P2RY11: variants seen among roughly 807,000 people sequenced by gnomAD.
The protein encoded by P2RY11 is P2Y purinoceptor 11.
P2RY11 carries 3 observed loss-of-function variants against 2.4 expected under a neutral mutation model. The observed-to-expected ratio is 1.22, with a 90% confidence interval of 0.56 to 3.17. The LOEUF (loss-of-function observed/expected upper bound fraction) is 3.17. Among genes scored for constraint, P2RY11 ranks in the 30% most tolerant of loss-of-function variants. The pLI, the probability that P2RY11 is intolerant of heterozygous loss-of-function variation, is 0.03. For missense variants in P2RY11, 670 were observed against 528.2 expected, an observed-to-expected ratio of 1.27 and a Z score of -2.63; for synonymous variants, 307 against 237.3, an observed-to-expected ratio of 1.29 and a Z score of -2.70.
At position 10,111,726 on chromosome 19, in the gene P2RY11, C is replaced by T; in HGVS notation, c.5C>T (p.Ala2Val). ...GCTGAGGATCGGCACGGGAGCATGG[C>T]AGCCAACGTCTCGGGTAAGGAGAAG... M[A>V]ANVSGAKSCP... is the part of the protein sequence containing the mutation. Residue 2 changes from alanine (A) to valine (V), a missense_variant, in exon 1 of 2, where the codon GCA (alanine) becomes GTA (valine). Ala to Val is a moderately conservative substitution (Grantham distance 64). Coordinates refer to ENST00000321826, the MANE Select transcript of P2RY11 (RefSeq NM_002566.5). 1.2e-6 allele frequency: 2 copies of T among 1,613,606 alleles called. No homozygotes were observed. The highest frequency in any genetic ancestry group is 1.7e-6 in the Non-Finnish European group (2 of 1,179,830).
chr19:10,112,090 A>G (rs2089103575), intron 1 of P2RY11: 1 of 209,610 alleles, frequency 4.8e-6, no homozygotes, highest in South Asian at 7.0e-5. Context: ...AGCTTGGGCA[A>G]TGAGCGAAAC....
rs779647954 is a variant in P2RY11, at chr19:10,113,829, A to T, written c.216A>T (p.Ala72=). 1.2e-6 allele frequency: 2 copies of T among 1,613,660 alleles called. No individual in the cohort carries two copies. Among genetic ancestry groups the T allele is most frequent in the Non-Finnish European group, 1.7e-6 (2 of 1,179,944 alleles). The change falls in exon 2 of 2, where the codon GCA becomes GCT. Residue 72 remains alanine (A), a synonymous_variant. Coordinates refer to ENST00000321826, the MANE Select transcript of P2RY11 (RefSeq NM_002566.5). ...HPAVVFSVQL[A]VSDLLCALTL... ...CCGTGGTCTTCTCTGTCCAGCTGGC[A>T]GTCAGCGACCTGCTCTGCGCCCTGA...
Position 10,114,734 on chromosome 19 carries a change from A to G in P2RY11, c.1121A>G (p.Gln374Arg), listed in dbSNP as rs1188596667. Residue 374 changes from glutamine to arginine, a missense_variant, in exon 2 of 2, where the codon CAA (glutamine) becomes CGA (arginine). Coordinates refer to ENST00000321826, the MANE Select transcript of P2RY11 (RefSeq NM_002566.5). The stretch of plus-strand genomic sequence containing the variant: ...GAGCCCCAGTCCCGTGAGCTGAGCC[A>G]ATGATGTGGCCTAGCGGAAGCTGCC... ...PSEPQSRELS[Q>R] The G allele has an allele frequency of 5.6e-6, 9 of 1,602,156 alleles. No homozygotes were observed. The South Asian group carries it at 6.7e-5, about 12-fold the overall frequency.
intron 1 of P2RY11, chr19:10,112,095 C>A: frequency 1.1e-5 from 2 of 188,524 alleles, no homozygotes; most frequent in Admixed American, 6.0e-5. Flanking sequence ...GGGCAATGAG[C>A]GAAACTCCAT....
At position 10,113,509 on chromosome 19, in the gene P2RY11, C is replaced by T. The variant is rs985072548; in HGVS notation, c.20-124C>T. On this transcript the variant is annotated intron_variant, in intron 1 of 1. Coordinates refer to ENST00000321826, the MANE Select transcript of P2RY11 (RefSeq NM_002566.5). ...CACATAAAGGAGTGGAGCCCGGTCC[C>T]CCTCCAGGGAGGGGAAAGAACTCGT... 7 of 1,413,058 alleles carry T rather than the reference C, an allele frequency of 5.0e-6. No homozygotes were observed. The African/African-American group carries it at 8.7e-5, about 17-fold the overall frequency. The allele number at this position is 1,413,058 out of a possible 1,614,324, so 87.5% of individuals were successfully genotyped here. A position where few individuals can be genotyped will look rare whatever the true frequency, so the allele number is the denominator to read the frequency against.
rs765924074 is a variant in P2RY11, at chr19:10,114,744, C to T, written c.*6C>T. The T allele has an allele frequency of 9.4e-6, 15 of 1,592,408 alleles. No homozygotes were observed. The Admixed American group carries it at 1.4e-4, about 15-fold the overall frequency. ...CCCGTGAGCTGAGCCAATGATGTGGCCTAGCGGAAGCTGCCTCCTCACCCT... is the reference window on the plus strand; with the variant it reads ...CCCGTGAGCTGAGCCAATGATGTGGTCTAGCGGAAGCTGCCTCCTCACCCT... On this transcript the variant is annotated 3_prime_UTR_variant, in exon 2 of 2. Coordinates refer to ENST00000321826, the MANE Select transcript of P2RY11 (RefSeq NM_002566.5).
Position 10,114,201 on chromosome 19 carries a change from CCA to C in P2RY11, c.590_591del (p.His197ArgfsTer9). ...ACIKCLGTAD[H>X]GLAAYRAYSL... ...GCATCAAGTGTCTGGGGACAGCAGA[CCA>C]CGGGCTGGCGGCCTACAGAGCGTAT... On this transcript the variant is annotated frameshift_variant, in exon 2 of 2. Transcript: ENST00000321826. LOFTEE classifies it low-confidence loss of function (END_TRUNC). 4 of 1,600,492 alleles carry C rather than the reference CCA, an allele frequency of 2.5e-6. No individual in the cohort carries two copies. Among genetic ancestry groups the C allele is most frequent in the Non-Finnish European group, 3.4e-6 (4 of 1,179,504 alleles).
intron 1 of P2RY11, 48 bp from the exon 2 acceptor site, chr19:10,113,585 C>T (rs535979645): frequency 3.7e-5 from 57 of 1,560,714 alleles, no homozygotes; most frequent in East Asian, 2.0e-4. Context: ...TAGCAGGAGC[C>T]GCCTTATGGG....
chr19:10,113,839 C>T lies in P2RY11; in HGVS notation c.226C>T (p.Leu76=). ...CTCTGTCCAGCTGGCAGTCAGCGAC[C>T]TGCTCTGCGCCCTGACGCTGCCCCC... is the stretch of plus-strand genomic sequence containing the variant. ...VFSVQLAVSD[L]LCALTLPPLA... is the part of the protein sequence containing the mutation. Residue 76 remains leucine (L), a synonymous_variant, in exon 2 of 2, where the codon CTG becomes TTG. Transcript: ENST00000321826. The T allele has an allele frequency of 6.2e-7, 1 of 1,613,498 alleles. No homozygotes were observed. Among genetic ancestry groups the T allele is most frequent in the Non-Finnish European group, 8.5e-7 (1 of 1,179,818 alleles).
chr19:10,113,682 CAGTG>C lies in P2RY11; in HGVS notation c.70_73del (p.Ser24GlyfsTer56), dbSNP rs750437200. 18 of 1,600,806 alleles carry C rather than the reference CAGTG, an allele frequency of 1.1e-5. No individual in the cohort carries two copies. Among genetic ancestry groups the C allele is most frequent in the Middle Eastern group, 1.7e-4 (1 of 6,034 alleles). On this transcript the variant is annotated frameshift_variant, in exon 2 of 2. Transcript: ENST00000321826. LOFTEE classifies it low-confidence loss of function (END_TRUNC). ...TCTTGGCAGCTGCCGACGACAAACT[CAGTG>C]GGTTCCAGGGGGACTTCCTGTGGCC...
At position 10,114,568 on chromosome 19, in the gene P2RY11, C is replaced by G. The variant is rs2145222956; in HGVS notation, c.955C>G (p.Leu319Val). ...LMPLAFCVHP[L>V]LYMAAVPSLG... The stretch of plus-strand genomic sequence containing the variant: ...GCCCCTGGCCTTCTGTGTCCACCCT[C>G]TACTCTACATGGCCGCAGTGCCCAG... Residue 319 changes from leucine to valine, a missense_variant, in exon 2 of 2, where the codon CTA becomes GTA. Physicochemically the swap from Leu to Val is conservative, Grantham distance 32 (BLOSUM62 1). Transcript: ENST00000321826. 1 of 1,612,840 alleles carries G rather than the reference C, an allele frequency of 6.2e-7. No homozygotes were observed. The highest frequency in any genetic ancestry group is 2.2e-5 in the East Asian group (1 of 44,856).
chr19:10,115,160 C>T lies in P2RY11; in HGVS notation c.*422C>T, dbSNP rs768064831. On this transcript the variant is annotated 3_prime_UTR_variant, in exon 2 of 2. Transcript: ENST00000321826. ...GTAGGGGAGGGTGGCAGGTATAAGA[C>T]TTCTGGGGGCACCCCAAGACCCCAG... 16 of 1,612,468 alleles carry T rather than the reference C, an allele frequency of 9.9e-6. No homozygotes were observed. Among genetic ancestry groups the T allele is most frequent in the Admixed American group, 8.4e-5 (5 of 59,768 alleles).
In P2RY11 at chr19:10,113,907, G is replaced by A. The variant is rs2089179452; in HGVS notation, c.294G>A (p.Gly98=). ...ATCCCCCCAAGCACTGGCGCTATGGGGAGGCCGCGTGCCGCCTGGAGCGCT... is the reference window on the plus strand; with the variant it reads ...ATCCCCCCAAGCACTGGCGCTATGGAGAGGCCGCGTGCCGCCTGGAGCGCT... ...YLYPPKHWRY[G]EAACRLERFL... is the part of the protein sequence containing the mutation. Residue 98 remains glycine, a synonymous_variant, in exon 2 of 2, where the codon GGG becomes GGA. Transcript: ENST00000321826. The A allele has an allele frequency of 6.2e-7, 1 of 1,606,384 alleles. No individual in the cohort carries two copies. The highest frequency in any genetic ancestry group is 8.5e-7 in the Non-Finnish European group (1 of 1,179,834).
intron 1 of P2RY11, among the ~76,000 whole-genome samples, chr19:10,112,955 C>A (rs1050705199): frequency 1.3e-5 from 2 of 151,690 alleles, no homozygotes; most frequent in Non-Finnish European, 2.9e-5. Flanking sequence ...AAAAAAAAGT[C>A]TGGGTGCGAA....
rs1197046230 is a variant in P2RY11 at position 10,115,262 on chromosome 19, G to C, written c.*524G>C. The C allele has an allele frequency of 1.6e-6, 2 of 1,264,186 alleles. No individual in the cohort carries two copies. Among genetic ancestry groups the C allele is most frequent in the South Asian group, 1.5e-5 (1 of 68,872 alleles). 78.3% of individuals were successfully genotyped at this position (1,264,186 alleles called of 1,614,324 possible). On this transcript the variant is annotated 3_prime_UTR_variant, in exon 2 of 2. Coordinates refer to ENST00000321826, the MANE Select transcript of P2RY11 (RefSeq NM_002566.5). ...GGACGAAGCGGGCACGGAGCCAGAT[G>C]GCCAGTCTCCAGGCCTGGTCCACGG...
intron 1 of P2RY11, among the ~76,000 whole-genome samples, chr19:10,113,250 T>G (rs1255362520): frequency 6.6e-6 from 1 of 150,882 alleles, no homozygotes; most frequent in African/African-American, 2.4e-5. Flanking sequence ...CAGGGCAGAG[T>G]GGGGGCTGGA....
Position 10,115,022 on chromosome 19 carries a change from G to C in P2RY11, c.*284G>C, listed in dbSNP as rs2089213952. The C allele has an allele frequency of 7.6e-6, 12 of 1,571,738 alleles. No individual in the cohort carries two copies. In the East Asian group the frequency reaches 1.4e-4, roughly 18 times the overall value. On this transcript the variant is annotated 3_prime_UTR_variant, in exon 2 of 2. Transcript: ENST00000321826. ...GAACAAAAAGAACCAAGTAGAGAGA[G>C]TGGAGCTGCTTTATTGCCCTTGGAG...
Position 10,115,098 on chromosome 19 carries a change from C to T in P2RY11, c.*360C>T. On this transcript the variant is annotated 3_prime_UTR_variant, in exon 2 of 2. Transcript: ENST00000321826. Reference sequence around the variant, plus strand: ...GTCGCCAAGGGTCCCGGACCGAGTACACAGTGGCAGCTGGCTTAGTTGGTG... The same window carrying T: ...GTCGCCAAGGGTCCCGGACCGAGTATACAGTGGCAGCTGGCTTAGTTGGTG... 1 of 1,614,012 alleles carries T rather than the reference C, an allele frequency of 6.2e-7. No homozygotes were observed. The highest frequency in any genetic ancestry group is 8.5e-7 in the Non-Finnish European group (1 of 1,180,016).
chr19:10,113,537 C>G (rs2089164100), intron 1 of P2RY11, 96 bp from the exon 2 acceptor site: 1 of 1,510,130 alleles, frequency 6.6e-7, no homozygotes, highest in South Asian at 1.3e-5. Flanking sequence ...GAACTCGTGT[C>G]CAGGGATCCA....
Sources: allele counts gnomAD v4.1 joint callset (sites outside exome capture counted in the v4.1 genomes callset), GRCh38; gene constraint gnomAD v4.1.1; transcripts MANE v1.5; gene names NCBI Gene and HGNC (gene_info 2026-07-23, HGNC 2026-07-21).